Variants in RAB37 observed in about 807,000 individuals in gnomAD.
The protein encoded by RAB37 is RAB37, member RAS oncogene family, also known as ras-related protein Rab-37.
A neutral mutation model predicts 33.1 loss-of-function variants in RAB37; 29 were observed. The observed-to-expected ratio is 0.88, with a 90% CI of 0.65 to 1.20. RAB37 has a LOEUF of 1.20. Among genes scored for constraint, RAB37 ranks in the 50% most tolerant of loss-of-function variants. RAB37 has a pLI of 0.00. For missense variants in RAB37, 299 were observed against 301.1 expected, an observed-to-expected ratio of 0.99 and a Z score of 0.05; for synonymous variants, 128 against 119.5, an observed-to-expected ratio of 1.07 and a Z score of -0.47.
intron 1 of RAB37, among the ~76,000 whole-genome samples, chr17:74,675,240 T>C (rs530554049): frequency 1.3e-5 from 2 of 151,966 alleles, no homozygotes; most frequent in Non-Finnish European, 2.9e-5. Context: ...ATCGAGACCA[T>C]CCTGGCCAAC....
At chr17:74,733,485 T>TGTGTA (rs2034420874), upstream of RAB37, among the ~76,000 whole-genome samples, 1 of 11,396 alleles carries the variant, frequency 8.8e-5, no homozygotes, top group East Asian at 1.8e-3. Flanking sequence ...TGGTGTGAGG[T>TGTGTA]GTGTGGTGTG....
Position 74,737,308 on chromosome 17 carries a change from T to C in RAB37, c.36T>C (p.Asp12=). Residue 12 remains aspartate (D), a synonymous_variant, in exon 1 of 9, where the codon GAT becomes GAC. Transcript: ENST00000392613. The stretch of plus-strand genomic sequence containing the variant: ...CGCCAGGCGCCGTTGCCACCCGGGA[T>C]GGCGAGGCCCCCGAGCGCTCCCCGC... ...TGTPGAVATR[D]GEAPERSPPC... is the part of the protein sequence containing the mutation. 1.3e-6 allele frequency: 2 copies of C among 1,577,466 alleles called. No individual in the cohort carries two copies. The highest frequency in any genetic ancestry group is 1.7e-6 in the Non-Finnish European group (2 of 1,168,998).
intron 1 of RAB37, chr17:74,704,869 C>T: frequency 7.0e-7 from 1 of 1,424,286 alleles, no homozygotes; most frequent in East Asian, 2.3e-5. Context: ...GGCAGGGCCA[C>T]AGCTTTCTGT....
Position 74,728,271 on chromosome 17 carries a change from C to T in RAB37, c.73-985C>T, listed in dbSNP as rs115762929. On this transcript the variant is annotated intron_variant, in intron 1 of 7. Transcript: ENST00000340415. ...ACATGTTGGTGTACATGTGTTTCCA[C>T]ATGTCTGTGTGCATGTGTGTGTTCT... Among the ~76,000 whole-genome samples the T allele has an allele frequency of 4.2e-3, 631 of 151,136 alleles. 8 individuals are homozygous for T. The highest frequency in any genetic ancestry group is 0.014 in the African/African-American group (565 of 41,108).
chr17:74,702,209 G>A (rs1307291459), intron 1 of RAB37, among the ~76,000 whole-genome samples: 1 of 152,076 alleles, frequency 6.6e-6, no homozygotes, highest in Non-Finnish European at 1.5e-5. Context: ...AGAGGGCCAA[G>A]GAGAGTGAAA....
chr17:74,695,002 G>T, intron 1 of RAB37: 1 of 1,364,436 alleles, frequency 7.3e-7, no homozygotes, highest in South Asian at 1.4e-5. Flanking sequence ...ACCAGTCCCC[G>T]GGTTGGTCCT....
chr17:74,671,422 C>G lies in RAB37; in HGVS notation c.-165C>G. The G allele has an allele frequency of 3.2e-6, 2 of 631,642 alleles. No individual in the cohort carries two copies. Among genetic ancestry groups the G allele is most frequent in the Non-Finnish European group, 5.5e-6 (2 of 365,052 alleles). 39.1% of individuals were successfully genotyped at this position (631,642 alleles called of 1,614,324 possible). A position where few individuals can be genotyped will look rare whatever the true frequency, so the allele number is the denominator to read the frequency against. On this transcript the variant is annotated 5_prime_UTR_variant, in exon 1 of 8. Coordinates refer to the RAB37 transcript ENST00000340415. This position sits in a 1 kb window ranked among gnomAD's most constrained non-coding sequence, Gnocchi z 5.0. ...ACGTGGCCGCCTGCCCGCCTGGTACCGCGCCGCGGCCGCTGCGGGGAACTG... is the reference window on the plus strand; with the variant it reads ...ACGTGGCCGCCTGCCCGCCTGGTACGGCGCCGCGGCCGCTGCGGGGAACTG...
At chr17:74,695,875 C>T in intron 1 of RAB37, 1 of 1,609,780 alleles carries the variant, frequency 6.2e-7, no homozygotes, top group Admixed American at 1.7e-5. Flanking sequence ...ACAGGGAACA[C>T]AGGCTGGGGA....
At position 74,676,023 on chromosome 17, in the gene RAB37, C is replaced by T. The variant is rs2031825163; in HGVS notation, c.72+4365C>T. ...TCTTTTCCTTAGAGAACTCTCAGTT[C>T]TCTCTTGCCACCAGCTTCAAGAGCC... On this transcript the variant is annotated intron_variant, in intron 1 of 7. Transcript: ENST00000340415. This position sits in a 1 kb window ranked among gnomAD's most constrained non-coding sequence, Gnocchi z 4.1. 2.0e-5 allele frequency among the ~76,000 whole-genome samples: 3 copies of T among 152,202 alleles called. No individual in the cohort carries two copies. Among genetic ancestry groups the T allele is most frequent in the Admixed American group, 1.3e-4 (2 of 15,278 alleles).
chr17:74,688,552 C>CA (rs34832046), intron 1 of RAB37, among the ~76,000 whole-genome samples: 73,710 of 112,906 alleles, frequency 0.65, 24,656 homozygotes, highest in Middle Eastern at 0.79. Context: ...GACTGCACCT[C>CA]AAAAAAAAAA....
Position 74,746,729 on chromosome 17 carries a change from G to C in RAB37, c.*1318G>C, listed in dbSNP as rs1034946102. The C allele has an allele frequency of 2.0e-5, 3 of 152,206 alleles. No homozygotes were observed. Among genetic ancestry groups the C allele is most frequent in the African/African-American group, 7.2e-5 (3 of 41,444 alleles). 9.4% of individuals were successfully genotyped at this position (152,206 alleles called of 1,614,324 possible). On this transcript the variant is annotated 3_prime_UTR_variant, in exon 9 of 9. Transcript: ENST00000392613. This position sits in a 1 kb window ranked among gnomAD's most constrained non-coding sequence, Gnocchi z 5.2. ...AGATTAAGCAAACCTCCCCTGACAT[G>C]TATCCCTTTGACCCCAAGCTCTGCC... is the stretch of plus-strand genomic sequence containing the variant.
Position 74,744,499 on chromosome 17 carries a change from G to T in RAB37, c.432+126G>T. 1 of 886,500 alleles carries T rather than the reference G, an allele frequency of 1.1e-6. No homozygotes were observed. Among genetic ancestry groups the T allele is most frequent in the East Asian group, 2.6e-5 (1 of 38,602 alleles). The allele number at this position is 886,500 out of a possible 1,614,324, so 54.9% of individuals were successfully genotyped here. The stretch of plus-strand genomic sequence containing the variant: ...AAGGACTCTGCAGCCTCCAGCTCAG[G>T]GGTCAGACATATCTGGAGGCTTCTG... On this transcript the variant is annotated intron_variant, in intron 6 of 8. Transcript: ENST00000392613. The surrounding 1 kb of genome is among the most constrained non-coding windows in gnomAD (Gnocchi z 4.2).
At chr17:74,716,734 G>GAA (rs1567805772) in intron 1 of RAB37, among the ~76,000 whole-genome samples, 1 of 152,006 alleles carries the variant, frequency 6.6e-6, no homozygotes. Flanking sequence ...GAGAGAGAGA[G>GAA]AAAACAGCCC....
At chr17:74,709,251 A>T (rs553150814) in intron 1 of RAB37, among the ~76,000 whole-genome samples, 18 of 152,192 alleles carry the variant, frequency 1.2e-4, no homozygotes, top group Admixed American at 3.9e-4. Context: ...AAAATCAATA[A>T]GGGTAATATG....
At chr17:74,699,136 C>G (rs1434456657) in intron 1 of RAB37, among the ~76,000 whole-genome samples, 1 of 152,126 alleles carries the variant, frequency 6.6e-6, no homozygotes, top group Non-Finnish European at 1.5e-5. Flanking sequence ...CCAGGCTGGT[C>G]TCGAACTCCT....
chr17:74,726,099 G>C (rs1442949186), intron 1 of RAB37, among the ~76,000 whole-genome samples: 1 of 151,980 alleles, frequency 6.6e-6, no homozygotes, highest in Non-Finnish European at 1.5e-5. Context: ...GCCAGGTGTG[G>C]TGGCGGGCGC....
In RAB37 at chr17:74,742,190, C is replaced by T. The variant is rs182579763; in HGVS notation, c.205-64C>T. 8.5e-5 allele frequency: 135 copies of T among 1,588,296 alleles called. 1 individual carries two copies. In the Middle Eastern group the frequency reaches 1.5e-3, roughly 18 times the overall value. On this transcript the variant is annotated intron_variant, in intron 2 of 8. Transcript: ENST00000392613. This position sits in a 1 kb window ranked among gnomAD's most constrained non-coding sequence, Gnocchi z 4.0. ...GGCCTGGAGAGGGAACAAGACAGGA[C>T]GTCTGCAGAGCTGAGGAGCCACATG...
chr17:74,680,689 T>C (rs765935374), intron 1 of RAB37, among the ~76,000 whole-genome samples: 2 of 152,162 alleles, frequency 1.3e-5, no homozygotes, highest in Non-Finnish European at 2.9e-5. Context: ...ACAGTCATTC[T>C]ATTCTCTCCA....
At chr17:74,689,920 C>T (rs550634219) in intron 1 of RAB37, among the ~76,000 whole-genome samples, 1 of 152,188 alleles carries the variant, frequency 6.6e-6, no homozygotes, top group South Asian at 2.1e-4. Context: ...ACATAGTTCT[C>T]AAAAGGAGGC....
Sources: gnomAD v4.1 joint callset for allele counts (sites outside exome capture counted in the v4.1 genomes callset) on GRCh38, gnomAD v4.1.1 for gene constraint, Gnocchi (gnomAD v3.1) non-coding constraint, MANE v1.5 for transcripts, NCBI Gene and HGNC (gene_info 2026-07-23, HGNC 2026-07-21) for gene names.